BICC1: variants seen among roughly 807,000 people sequenced by gnomAD.
The protein encoded by BICC1 is BicC family RNA binding protein 1.
BICC1 carries 43 observed loss-of-function variants against 111.0 expected under a neutral mutation model. The ratio of observed to expected loss-of-function variants is 0.39; its 90% CI spans 0.30 to 0.50. The LOEUF (loss-of-function observed/expected upper bound fraction) is 0.50, where lower values mean the gene tolerates loss of function less well. BICC1 is among the 20% of genes least tolerant of loss of function. The pLI, the probability that BICC1 is intolerant of heterozygous loss-of-function variation, is 0.88. For missense variants in BICC1, 1,091 were observed against 1,203.2 expected (o/e 0.91, Z 1.38); for synonymous variants, 467 against 434.4 (o/e 1.07, Z -0.93).
chr10:58,514,954 A>G (rs1842202543), intron 1 of BICC1, among the ~76,000 whole-genome samples: 1 of 152,254 alleles, frequency 6.6e-6, no homozygotes, highest in Admixed American at 6.5e-5. Context: ...AGTTTTCTAC[A>G]TTAGTTTGGA....
intron 2 of BICC1, among the ~76,000 whole-genome samples, chr10:58,692,706 T>C (rs1839946829): frequency 6.6e-6 from 1 of 151,900 alleles, no homozygotes; most frequent in Admixed American, 6.6e-5. Flanking sequence ...CCTTAGGGAA[T>C]TGTCATACTC....
chr10:58,793,657 A>C lies in BICC1; in HGVS notation c.1179+42A>C, dbSNP rs116994227. The C allele has an allele frequency of 4.2e-4, 678 of 1,595,610 alleles. 3 individuals are homozygous for C. The Middle Eastern group carries it at 7.0e-3, about 16-fold the overall frequency. ...AATCCAGAGAATTATGTATCATATC[A>C]TATGCTGTATAGTTTTATTTTGCAT... On this transcript the variant is annotated intron_variant, in intron 9 of 20. Coordinates refer to ENST00000373886, the MANE Select transcript of BICC1 (RefSeq NM_001080512.3).
At chr10:58,642,115 A>T (rs936903282) in intron 2 of BICC1, among the ~76,000 whole-genome samples, 3 of 152,224 alleles carry the variant, frequency 2.0e-5, no homozygotes, top group African/African-American at 7.2e-5. Context: ...AATAGTAAAT[A>T]GTTACTCTAA....
intron 1 of BICC1, among the ~76,000 whole-genome samples, chr10:58,577,160 T>C (rs573955390): frequency 8.1e-4 from 123 of 152,272 alleles, no homozygotes; most frequent in African/African-American, 2.8e-3. Context: ...GCACTTACCA[T>C]TCAGTGGGTG....
chr10:58,665,713 CT>C (rs1268830948), intron 2 of BICC1, among the ~76,000 whole-genome samples: 1 of 152,118 alleles, frequency 6.6e-6, no homozygotes, highest in Non-Finnish European at 1.5e-5. Context: ...GTGTTTTGAT[CT>C]GAAATTTATT....
chr10:58,804,691 A>C (rs1204053947), intron 15 of BICC1, among the ~76,000 whole-genome samples: 1 of 152,150 alleles, frequency 6.6e-6, no homozygotes, highest in East Asian at 1.9e-4. Context: ...TTATACCTGC[A>C]GTGAACCAGT....
intron 14 of BICC1, among the ~76,000 whole-genome samples, chr10:58,802,018 G>A (rs1843562092): frequency 1.3e-5 from 2 of 152,132 alleles, no homozygotes; most frequent in Non-Finnish European, 2.9e-5. Context: ...CTCCAGAAAG[G>A]TCTCCCTGCC....
At position 58,777,139 on chromosome 10, in the gene BICC1, C is replaced by T. The variant is rs1410635869; in HGVS notation, c.308-7862C>T. 2.0e-5 allele frequency among the ~76,000 whole-genome samples: 3 copies of T among 151,224 alleles called. No homozygotes were observed. In the South Asian group the frequency reaches 6.3e-4, roughly 32 times the overall value. ...TCTGGTATGCCTTGATTTTTGCTTT[C>T]TACTTTGTTTGCATTTCATTGTTCT... On this transcript the variant is annotated intron_variant, in intron 3 of 20. Coordinates refer to ENST00000373886, the MANE Select transcript of BICC1 (RefSeq NM_001080512.3).
intron 20 of BICC1, among the ~76,000 whole-genome samples, chr10:58,822,077 A>G (rs936752151): frequency 1.4e-4 from 22 of 152,150 alleles, no homozygotes; most frequent in Non-Finnish European, 2.8e-4. Flanking sequence ...GCTAACTTTA[A>G]AAGTTTTCAT....
At chr10:58,544,577 A>G (rs1843084991) in intron 1 of BICC1, among the ~76,000 whole-genome samples, 1 of 152,164 alleles carries the variant, frequency 6.6e-6, no homozygotes, top group South Asian at 2.1e-4. Context: ...GTATGTAGAA[A>G]GGAAAGAAAT....
At chr10:58,677,561 C>G (rs1378310464) in intron 2 of BICC1, among the ~76,000 whole-genome samples, 1 of 152,120 alleles carries the variant, frequency 6.6e-6, no homozygotes, top group African/African-American at 2.4e-5. Flanking sequence ...AAAGACCAAA[C>G]CTACGTTTGA....
chr10:58,706,977 C>T (rs778217797), intron 3 of BICC1, among the ~76,000 whole-genome samples: 1 of 152,088 alleles, frequency 6.6e-6, no homozygotes, highest in East Asian at 1.9e-4. Flanking sequence ...AGAGTTAAAC[C>T]AAGTGATAGG....
chr10:58,699,536 G>C lies in BICC1; in HGVS notation c.238-2538G>C, dbSNP rs7923451. 8.9e-3 allele frequency among the ~76,000 whole-genome samples: 1,350 copies of C among 152,166 alleles called. 20 individuals are homozygous for C. Among genetic ancestry groups the C allele is most frequent in the African/African-American group, 0.031 (1,287 of 41,516 alleles). On this transcript the variant is annotated intron_variant, in intron 2 of 20. Coordinates refer to ENST00000373886, the MANE Select transcript of BICC1 (RefSeq NM_001080512.3). ...AGGTCTTCTACACATATGTCAAAAGGCAAACTTATCTATTACAGTATCATA... is the reference window on the plus strand; with the variant it reads ...AGGTCTTCTACACATATGTCAAAAGCCAAACTTATCTATTACAGTATCATA...
chr10:58,800,972 G>T lies in BICC1; in HGVS notation c.1941G>T (p.Met647Ile). The T allele has an allele frequency of 6.2e-7, 1 of 1,612,622 alleles. No homozygotes were observed. Among genetic ancestry groups the T allele is most frequent in the Non-Finnish European group, 8.5e-7 (1 of 1,179,316 alleles). Residue 647 changes from methionine to isoleucine, a missense_variant, in exon 14 of 21, where the codon ATG becomes ATT. Physicochemically the swap from Met to Ile is conservative, Grantham distance 10. Transcript: ENST00000373886. ...ATGCTGGTGACTTGAAACAGATGAT[G>T]TGTCCCTCCAAGGTTTCCTGTGCCA... is the stretch of plus-strand genomic sequence containing the variant. Reference protein sequence around the residue: ...SGNAGDLKQMMCPSKVSCAKR... With the variant: ...SGNAGDLKQMICPSKVSCAKR...
At chr10:58,534,576 G>T (rs1349819436) in intron 1 of BICC1, among the ~76,000 whole-genome samples, 1 of 151,288 alleles carries the variant, frequency 6.6e-6, no homozygotes, top group African/African-American at 2.4e-5. Context: ...GGGAATAAAA[G>T]AAATAAAAAC....
At chr10:58,810,733 A>C (rs1428910677) in intron 17 of BICC1, among the ~76,000 whole-genome samples, 1 of 152,204 alleles carries the variant, frequency 6.6e-6, no homozygotes, top group Non-Finnish European at 1.5e-5. Context: ...TTTTTATTAA[A>C]ATAGAGACCA....
chr10:58,537,928 C>G (rs1427623950), intron 1 of BICC1, among the ~76,000 whole-genome samples: 1 of 151,772 alleles, frequency 6.6e-6, no homozygotes, highest in Non-Finnish European at 1.5e-5. Flanking sequence ...AGTGAAACAT[C>G]TGTACAAGGA....
intron 1 of BICC1, among the ~76,000 whole-genome samples, chr10:58,550,918 G>C (rs1843278965): frequency 6.6e-6 from 1 of 151,892 alleles, no homozygotes. Flanking sequence ...TGTGTGTTTG[G>C]GTGTTTTTAA....
intron 3 of BICC1, among the ~76,000 whole-genome samples, chr10:58,754,766 G>GTGTA (rs1842096116): frequency 6.6e-6 from 1 of 151,486 alleles, no homozygotes; most frequent in South Asian, 2.1e-4. Context: ...GTGTATGTGT[G>GTGTA]TGTGTGTGTG....
Sources: gnomAD v4.1 joint callset for allele counts (sites outside exome capture counted in the v4.1 genomes callset) on GRCh38, gnomAD v4.1.1 for gene constraint, MANE v1.5 for transcripts, NCBI Gene and HGNC (gene_info 2026-07-23, HGNC 2026-07-21) for gene names.